The following TTC28 variants were observed in gnomAD, a reference collection of about 807,000 sequenced individuals.
TTC28 encodes the protein tetratricopeptide repeat domain 28, also known as tetratricopeptide repeat protein 28.
Under a neutral mutation model 198.0 loss-of-function variants are expected in TTC28, and 61 were observed. The ratio of observed to expected loss-of-function variants is 0.31; its 90% CI spans 0.25 to 0.38. TTC28 has a LOEUF of 0.38. TTC28 is among the 10% of genes least tolerant of loss of function. The pLI is 1.00. For synonymous variants in TTC28, 1,171 were observed against 1,297.8 expected (o/e 0.90, Z 2.10); for missense variants, 2,678 against 3,164.0 (o/e 0.85, Z 3.69).
chr22:28,677,933 G>A lies in TTC28; in HGVS notation c.102+1689C>T, dbSNP rs7286674. On this transcript the variant is annotated intron_variant, in intron 1 of 22. Coordinates refer to ENST00000397906, the MANE Select transcript of TTC28 (RefSeq NM_001145418.2). Reference sequence around the variant, plus strand: ...AGCCTGGAAGACAGAGTGAGGCTCCGTCTCAAAAAAAAAAAGAAAAAGAAG... The same window carrying A: ...AGCCTGGAAGACAGAGTGAGGCTCCATCTCAAAAAAAAAAAGAAAAAGAAG... Among the ~76,000 whole-genome samples, 1,057 of 149,652 alleles carry A rather than the reference G, an allele frequency of 7.1e-3. 16 individuals carry two copies. Among genetic ancestry groups the A allele is most frequent in the African/African-American group, 0.025 (1,002 of 40,702 alleles).
At chr22:28,579,705 C>T (rs1220178590) in intron 2 of TTC28, among the ~76,000 whole-genome samples, 2 of 151,796 alleles carry the variant, frequency 1.3e-5, no homozygotes, top group African/African-American at 4.8e-5. Flanking sequence ...CAGTGGCTCA[C>T]GCCTATAATC....
At chr22:28,404,528 T>A (rs2046970449) in intron 2 of TTC28, among the ~76,000 whole-genome samples, 1 of 152,208 alleles carries the variant, frequency 6.6e-6, no homozygotes, top group Admixed American at 6.5e-5. Flanking sequence ...TGCCTATGTG[T>A]CAGCCCATCT....
At chr22:28,661,068 T>C (rs2051736567) in intron 1 of TTC28, among the ~76,000 whole-genome samples, 1 of 151,812 alleles carries the variant, frequency 6.6e-6, no homozygotes, top group Non-Finnish European at 1.5e-5. Flanking sequence ...GCGGATCACC[T>C]GAGGTCGGGA....
intron 2 of TTC28, among the ~76,000 whole-genome samples, chr22:28,491,037 T>C (rs2048369655): frequency 1.3e-5 from 2 of 152,156 alleles, no homozygotes; most frequent in Admixed American, 1.3e-4. Flanking sequence ...TGGGGGGAAA[T>C]AAAACTATCA....
intron 6 of TTC28, among the ~76,000 whole-genome samples, chr22:28,145,699 A>C (rs1943453663): frequency 6.6e-6 from 1 of 152,224 alleles, no homozygotes; most frequent in African/African-American, 2.4e-5. Context: ...GTGAAGGATA[A>C]GAAATGTTAT....
intron 13 of TTC28, among the ~76,000 whole-genome samples, chr22:28,019,924 T>TG (rs1938523879): frequency 6.6e-6 from 1 of 152,184 alleles, no homozygotes; most frequent in Admixed American, 6.5e-5. Flanking sequence ...AGAACACACA[T>TG]GCACCCCTCT....
chr22:28,507,599 A>G (rs541694145), intron 2 of TTC28, among the ~76,000 whole-genome samples: 2 of 152,304 alleles, frequency 1.3e-5, no homozygotes, highest in African/African-American at 4.8e-5. Flanking sequence ...CCCAAGACAT[A>G]TAATCATCAG....
chr22:28,215,764 T>C (rs1270295474), intron 5 of TTC28, among the ~76,000 whole-genome samples: 1 of 152,180 alleles, frequency 6.6e-6, no homozygotes, highest in Non-Finnish European at 1.5e-5. Context: ...TTACTGATCT[T>C]ATGGTTACTA....
At chr22:28,103,239 G>A (rs958050270) in intron 8 of TTC28, among the ~76,000 whole-genome samples, 14 of 152,148 alleles carry the variant, frequency 9.2e-5, no homozygotes, top group African/African-American at 3.4e-4. Flanking sequence ...TAGTTTGTCA[G>A]GGACTGGTTC....
chr22:28,080,260 C>T (rs929443213), intron 12 of TTC28, among the ~76,000 whole-genome samples: 12 of 152,090 alleles, frequency 7.9e-5, no homozygotes, highest in Non-Finnish European at 1.6e-4. Context: ...GAGGAATGTC[C>T]ATACTGTTTT....
intron 11 of TTC28, 69 bp downstream of exon 11, chr22:28,096,121 A>C: frequency 5.5e-6 from 8 of 1,452,032 alleles, no homozygotes; most frequent in Non-Finnish European, 7.3e-6. Context: ...CACCTATTCC[A>C]CCTCTATTCA....
chr22:28,236,809 C>T (rs1929283091), intron 5 of TTC28, among the ~76,000 whole-genome samples: 1 of 152,162 alleles, frequency 6.6e-6, no homozygotes, highest in Non-Finnish European at 1.5e-5. Flanking sequence ...TCCTTATCTT[C>T]TGAAGCCACA....
intron 2 of TTC28, among the ~76,000 whole-genome samples, chr22:28,391,636 G>C (rs913749073): frequency 2.0e-5 from 3 of 152,084 alleles, no homozygotes; most frequent in East Asian, 3.8e-4. Flanking sequence ...GATTGCATCA[G>C]CTCCTGAGGC....
At chr22:28,523,007 G>A (rs1180774553) in intron 2 of TTC28, among the ~76,000 whole-genome samples, 1 of 152,104 alleles carries the variant, frequency 6.6e-6, no homozygotes, top group Non-Finnish European at 1.5e-5. Flanking sequence ...AATCACTGAA[G>A]TATGTACTTT....
intron 5 of TTC28, among the ~76,000 whole-genome samples, chr22:28,249,938 T>C (rs1363734345): frequency 6.6e-6 from 1 of 152,178 alleles, no homozygotes; most frequent in Admixed American, 6.5e-5. Context: ...TCTTTGAGGA[T>C]TTCACTCCTC....
rs118014475 is a variant in TTC28 at position 28,366,531 on chromosome 22, T to C, written c.382-59888A>G. Among the ~76,000 whole-genome samples the C allele has an allele frequency of 2.3e-3, 344 of 152,212 alleles. 2 individuals are homozygous for C. Among genetic ancestry groups the C allele is most frequent in the Admixed American group, 4.8e-3 (74 of 15,286 alleles). On this transcript the variant is annotated intron_variant, in intron 2 of 22. Coordinates refer to ENST00000397906, the MANE Select transcript of TTC28 (RefSeq NM_001145418.2). ...TAAGTACTTAATAGAGGTCTGTCTA[T>C]AGTGTTACAGTGGTGACGAGAAAAC...
In TTC28 at chr22:28,531,210, G is replaced by A. The variant is rs913122563; in HGVS notation, c.381+98342C>T. Among the ~76,000 whole-genome samples, 3 of 152,274 alleles carry A rather than the reference G, an allele frequency of 2.0e-5. No individual in the cohort carries two copies. The East Asian group carries it at 5.8e-4, about 29-fold the overall frequency. Reference sequence around the variant, plus strand: ...ATAGGCTCAAAATAAAGGAATGGAGGAAGATCTACCAAGCAAATGGAAAAC... The same window carrying A: ...ATAGGCTCAAAATAAAGGAATGGAGAAAGATCTACCAAGCAAATGGAAAAC... On this transcript the variant is annotated intron_variant, in intron 2 of 22. Coordinates refer to ENST00000397906, the MANE Select transcript of TTC28 (RefSeq NM_001145418.2).
In TTC28 at chr22:28,564,381, G is replaced by A. The variant is rs140780081; in HGVS notation, c.381+65171C>T. Among the ~76,000 whole-genome samples the A allele has an allele frequency of 3.3e-5, 5 of 152,172 alleles. No individual in the cohort carries two copies. The East Asian group carries it at 9.6e-4, about 29-fold the overall frequency. ...TCAAAGATCTTACAAGATCTTACAA[G>A]ATACCACATCAAACTTCAGAAAATA... On this transcript the variant is annotated intron_variant, in intron 2 of 22. Coordinates refer to ENST00000397906, the MANE Select transcript of TTC28 (RefSeq NM_001145418.2).
chr22:28,290,351 A>G (rs555460342), intron 5 of TTC28, among the ~76,000 whole-genome samples: 2 of 152,322 alleles, frequency 1.3e-5, no homozygotes, highest in South Asian at 4.1e-4. Context: ...AAAAACTTAT[A>G]TAAAACTTAT....
Sources: gnomAD v4.1 joint callset for allele counts (sites outside exome capture counted in the v4.1 genomes callset) on GRCh38, gnomAD v4.1.1 for gene constraint, MANE v1.5 for transcripts, NCBI Gene and HGNC (gene_info 2026-07-23, HGNC 2026-07-21) for gene names.